VAT1L: variants seen among roughly 807,000 people sequenced by gnomAD.
VAT1L encodes the protein vesicle amine transport 1 like, also known as putative NADPH-dependent quinone oxidoreductase VAT1L.
VAT1L carries 34 observed loss-of-function variants against 44.1 expected under a neutral mutation model. That is an observed-to-expected ratio of 0.77 (90% CI 0.59 to 1.03). The LOEUF is 1.03. Ranked by LOEUF, VAT1L falls within the 50% of genes least tolerant of loss-of-function variation. The pLI, the probability that VAT1L is intolerant of heterozygous loss-of-function variation, is 0.00. For synonymous variants in VAT1L, 253 were observed against 202.2 expected (o/e 1.25, Z -2.13); for missense variants, 615 against 538.8 (o/e 1.14, Z -1.40).
chr16:77,903,991 C>G (rs2017412559), intron 7 of VAT1L, among the ~76,000 whole-genome samples: 1 of 152,044 alleles, frequency 6.6e-6, no homozygotes, highest in African/African-American at 2.4e-5. Context: ...TCGCCTCAGC[C>G]TCCCAAAGTT....
At chr16:77,866,507 G>A (rs902702190) in intron 4 of VAT1L, among the ~76,000 whole-genome samples, 6 of 151,298 alleles carry the variant, frequency 4.0e-5, no homozygotes, top group African/African-American at 1.5e-4. Context: ...GAAAGGAAAG[G>A]GAAAATATCC....
chr16:77,837,564 G>A (rs2016652980), intron 3 of VAT1L, among the ~76,000 whole-genome samples: 2 of 152,114 alleles, frequency 1.3e-5, no homozygotes, highest in Admixed American at 1.3e-4. Context: ...AATATTTGTA[G>A]AAGAAATGAA....
Position 77,869,451 on chromosome 16 carries a change from G to A in VAT1L, c.722+6561G>A, listed in dbSNP as rs569343614. ...GCACTTTAGGAGGCCAAGGCAGGAG[G>A]ATAGCTTGAGGCCAGGAGTTTGAGA... On this transcript the variant is annotated intron_variant, in intron 4 of 8. Transcript: ENST00000302536. Among the ~76,000 whole-genome samples, 4 of 152,302 alleles carry A rather than the reference G, an allele frequency of 2.6e-5. No individual in the cohort carries two copies. The East Asian group carries it at 7.7e-4, about 29-fold the overall frequency.
chr16:77,808,797 A>G (rs1211200228), intron 1 of VAT1L, among the ~76,000 whole-genome samples: 4 of 151,966 alleles, frequency 2.6e-5, no homozygotes, highest in Non-Finnish European at 5.9e-5. Flanking sequence ...ATGTTTTTCC[A>G]TGTTGGTCAG....
intron 7 of VAT1L, among the ~76,000 whole-genome samples, chr16:77,921,831 C>A (rs2017614895): frequency 1.3e-5 from 2 of 151,932 alleles, no homozygotes; most frequent in Non-Finnish European, 1.5e-5. Context: ...GCAACCTCTA[C>A]CTCCCAGGCT....
At chr16:77,878,483 T>TTA (rs1177566753) in intron 5 of VAT1L, among the ~76,000 whole-genome samples, 1 of 150,722 alleles carries the variant, frequency 6.6e-6, no homozygotes, top group Non-Finnish European at 1.5e-5. Flanking sequence ...CCCCGAAACC[T>TTA]TATAAAGGGT....
At chr16:77,904,888 A>G (rs572303750) in intron 7 of VAT1L, among the ~76,000 whole-genome samples, 2 of 152,176 alleles carry the variant, frequency 1.3e-5, no homozygotes, top group East Asian at 1.9e-4. Flanking sequence ...TTGTAAGCCT[A>G]CTTCTCTTCA....
rs1447560866 is a variant in VAT1L, at chr16:77,910,220, G to A, written c.1077+25418G>A. Among the ~76,000 whole-genome samples, 6 of 152,196 alleles carry A rather than the reference G, an allele frequency of 3.9e-5. 1 individual carries two copies. The highest frequency in any genetic ancestry group is 7.3e-5 in the Non-Finnish European group (5 of 68,044). ...GGATAGCATGTCTGCTTTGAGGAAAGAGAAAATGAAAACTTGGGAAATGGC... is the reference window on the plus strand; with the variant it reads ...GGATAGCATGTCTGCTTTGAGGAAAAAGAAAATGAAAACTTGGGAAATGGC... On this transcript the variant is annotated intron_variant, in intron 7 of 8. Transcript: ENST00000302536.
chr16:77,820,762 T>C (rs1330554633), intron 2 of VAT1L, among the ~76,000 whole-genome samples: 1 of 152,204 alleles, frequency 6.6e-6, no homozygotes, highest in Non-Finnish European at 1.5e-5. Context: ...CTTCAAGAAC[T>C]ACATGGAGTT....
At chr16:77,860,213 G>A (rs2016902206) in intron 3 of VAT1L, among the ~76,000 whole-genome samples, 1 of 152,198 alleles carries the variant, frequency 6.6e-6, no homozygotes, top group Non-Finnish European at 1.5e-5. Flanking sequence ...AGGAATTTCT[G>A]ATGTTTAAGC....
chr16:77,837,174 G>A (rs540478332), intron 3 of VAT1L, among the ~76,000 whole-genome samples: 6 of 152,274 alleles, frequency 3.9e-5, no homozygotes, highest in African/African-American at 7.2e-5. Flanking sequence ...CACTCCACGG[G>A]TTTTGTTGGT....
chr16:77,914,408 T>C (rs1421019591), intron 7 of VAT1L, among the ~76,000 whole-genome samples: 1 of 152,246 alleles, frequency 6.6e-6, no homozygotes, highest in African/African-American at 2.4e-5. Context: ...TTATGTCATT[T>C]TGGTAATTTG....
rs757763273 is a variant in VAT1L, at chr16:77,825,852, T to TAA, written c.579+395_579+396dup. ...TAACACGGTGAAACCCCGTCTCTAC[T>TAA]AAAAATAAAAAAAAAAAAAAATTAG... On this transcript the variant is annotated intron_variant, in intron 3 of 8. Transcript: ENST00000302536. Among the ~76,000 whole-genome samples the TAA allele has an allele frequency of 3.1e-3, 83 of 26,366 alleles. No individual in the cohort carries two copies. In the East Asian group the frequency reaches 0.12, roughly 39 times the overall value. 17.3% of individuals were successfully genotyped at this position (26,366 alleles called of 152,430 possible).
At chr16:77,802,461 A>C (rs1347465008) in intron 1 of VAT1L, among the ~76,000 whole-genome samples, 1 of 152,084 alleles carries the variant, frequency 6.6e-6, no homozygotes, top group African/African-American at 2.4e-5. Context: ...CTAAAAATAC[A>C]AAAATTAGCC....
At chr16:77,936,127 C>T (rs1313789454) in intron 7 of VAT1L, among the ~76,000 whole-genome samples, 3 of 152,178 alleles carry the variant, frequency 2.0e-5, no homozygotes, top group Non-Finnish European at 2.9e-5. Flanking sequence ...TTTCTTATAA[C>T]TTCCCAGGAC....
chr16:77,921,919 AT>A (rs964559218), intron 7 of VAT1L, among the ~76,000 whole-genome samples: 12 of 150,714 alleles, frequency 8.0e-5, no homozygotes, highest in East Asian at 1.9e-4. Context: ...AATTTTTATA[AT>A]TTTTTTTTAT....
intron 7 of VAT1L, among the ~76,000 whole-genome samples, chr16:77,936,918 C>G (rs1241031606): frequency 2.0e-5 from 3 of 151,932 alleles, no homozygotes; most frequent in Admixed American, 2.0e-4. Flanking sequence ...CGGAGTCTCG[C>G]TCTGCCACCA....
intron 1 of VAT1L, 128 bp from the exon 2 acceptor site, chr16:77,816,793 A>G (rs1302743900): frequency 8.0e-7 from 1 of 1,256,966 alleles, no homozygotes; most frequent in Non-Finnish European, 1.1e-6. Context: ...AAGAAAAAAA[A>G]AAGACAGGAA....
At chr16:77,919,385 T>G (rs2017586958) in intron 7 of VAT1L, among the ~76,000 whole-genome samples, 1 of 152,204 alleles carries the variant, frequency 6.6e-6, no homozygotes, top group South Asian at 2.1e-4. Context: ...AAATAGAAGC[T>G]GGAGCTGGAA....
Sources: gnomAD v4.1 joint callset for allele counts (sites outside exome capture counted in the v4.1 genomes callset) on GRCh38, gnomAD v4.1.1 for gene constraint, MANE v1.5 for transcripts, NCBI Gene and HGNC (gene_info 2026-07-23, HGNC 2026-07-21) for gene names.